Variants in INPP4A observed in about 807,000 individuals in gnomAD.
INPP4A encodes inositol polyphosphate-4-phosphatase, type I, 107kD.
In INPP4A, 33 loss-of-function variants were observed where a neutral mutation model predicts 119.8. That is an observed-to-expected ratio of 0.28 (90% confidence interval 0.21 to 0.37). INPP4A has a LOEUF of 0.37. INPP4A is among the 10% of genes least tolerant of loss of function. INPP4A has a pLI of 1.00. For synonymous variants in INPP4A, 496 were observed against 500.7 expected (o/e 0.99, Z 0.12); for missense variants, 956 against 1,289.9 (o/e 0.74, Z 3.97).
rs778118519 is a variant in INPP4A at position 98,581,758 on chromosome 2, T to C, written c.2786+4615T>C. The C allele has an allele frequency of 2.7e-5, 44 of 1,607,384 alleles. No homozygotes were observed. The South Asian group carries it at 4.6e-4, about 17-fold the overall frequency. On this transcript the variant is annotated intron_variant, in intron 24 of 24. Coordinates refer to ENST00000409851, the MANE Select transcript of INPP4A (RefSeq NM_001134225.2). The stretch of plus-strand genomic sequence containing the variant: ...GTGACCAAATTGCGTTGCAAATGAA[T>C]ATCATTATGAAAAATTAATAAGTCA...
chr2:98,483,468 T>C (rs1678885755), intron 1 of INPP4A, among the ~76,000 whole-genome samples: 1 of 152,148 alleles, frequency 6.6e-6, no homozygotes, highest in African/African-American at 2.4e-5. Flanking sequence ...GGGGCTGCTG[T>C]GGGGCCAAGT....
intron 24 of INPP4A, among the ~76,000 whole-genome samples, chr2:98,586,468 A>C (rs1699965213): frequency 6.6e-6 from 1 of 152,160 alleles, no homozygotes; most frequent in African/African-American, 2.4e-5. Context: ...TAACTAGTTG[A>C]TTTCACTGCT....
Position 98,539,675 on chromosome 2 carries a change from G to T in INPP4A, c.818G>T (p.Arg273Ile). Residue 273 changes from arginine to isoleucine, a missense_variant and splice_region_variant, in exon 10 of 25, where the codon AGA becomes ATA. Physicochemically the swap from Arg to Ile is moderately conservative, Grantham distance 97. Transcript: ENST00000409851. Reference sequence around the variant, plus strand: ...CTCCTACTAGAGGAAGATGCAGCCAGGTGAGGCCACATGGAAGGACTGACT... The same window carrying T: ...CTCCTACTAGAGGAAGATGCAGCCATGTGAGGCCACATGGAAGGACTGACT... ...VKLLLEEDAA[R>I]VCELEELGEL... 2.5e-6 allele frequency: 4 copies of T among 1,606,106 alleles called. No individual in the cohort carries two copies. The highest frequency in any genetic ancestry group is 3.4e-6 in the Non-Finnish European group (4 of 1,176,676).
Position 98,566,235 on chromosome 2 carries a change from T to TA in INPP4A, c.2420+67dup, listed in dbSNP as rs1696418684. 2.0e-6 allele frequency: 3 copies of TA among 1,464,666 alleles called. No individual in the cohort carries two copies. The highest frequency in any genetic ancestry group is 2.7e-6 in the Non-Finnish European group (3 of 1,094,388). 90.7% of individuals were successfully genotyped at this position (1,464,666 alleles called of 1,614,324 possible). A position where few individuals can be genotyped will look rare whatever the true frequency, so the allele number is the denominator to read the frequency against. ...CTGGAGATGATGCAGAAAACGTACTTACCCCTCTTCAGGCTCTAAGTGCTG... is the reference window on the plus strand; with the variant it reads ...CTGGAGATGATGCAGAAAACGTACTTAACCCCTCTTCAGGCTCTAAGTGCTG... On this transcript the variant is annotated intron_variant, in intron 21 of 24. Transcript: ENST00000409851. The surrounding 1 kb of genome is among the most constrained non-coding windows in gnomAD (Gnocchi z 4.2).
intron 1 of INPP4A, among the ~76,000 whole-genome samples, chr2:98,479,962 C>T (rs1424180289): frequency 1.3e-5 from 2 of 152,194 alleles, no homozygotes; most frequent in African/African-American, 4.8e-5. Context: ...TTTCTTAAGG[C>T]TTTAGAAACT....
At chr2:98,490,412 A>G (rs1410314726) in intron 1 of INPP4A, among the ~76,000 whole-genome samples, 1 of 151,968 alleles carries the variant, frequency 6.6e-6, no homozygotes, top group African/African-American at 2.4e-5. Context: ...TCTTGTGTGA[A>G]GACGAAGGTG....
intron 1 of INPP4A, among the ~76,000 whole-genome samples, chr2:98,478,990 G>A (rs995439375): frequency 1.3e-5 from 2 of 152,290 alleles, no homozygotes; most frequent in Admixed American, 1.3e-4. Flanking sequence ...CAGTCACCTA[G>A]AAGACTTGTT....
At chr2:98,512,424 C>T (rs1184380347) in intron 1 of INPP4A, among the ~76,000 whole-genome samples, 1 of 152,198 alleles carries the variant, frequency 6.6e-6, no homozygotes, top group African/African-American at 2.4e-5. Flanking sequence ...TTTTCTGCTA[C>T]TCCAACAACA....
chr2:98,583,824 C>CA (rs1195635816), intron 24 of INPP4A, among the ~76,000 whole-genome samples: 1 of 152,198 alleles, frequency 6.6e-6, no homozygotes, highest in East Asian at 1.9e-4. Context: ...AGTATCAGCT[C>CA]AGAGTCTGGG....
At chr2:98,457,824 C>T (rs1040585358) in intron 1 of INPP4A, among the ~76,000 whole-genome samples, 2 of 151,996 alleles carry the variant, frequency 1.3e-5, no homozygotes, top group Non-Finnish European at 2.9e-5. Context: ...ATTTTAGAGA[C>T]GGGGTCTCGC....
Position 98,568,598 on chromosome 2 carries a change from C to G in INPP4A, c.2448C>G (p.Val816=), listed in dbSNP as rs1385876614. The change falls in exon 22 of 25, where the codon GTC becomes GTG. Residue 816 remains valine, a synonymous_variant. Transcript: ENST00000409851. ...ERFGDTSLQE[V]INVESLVRLN... The stretch of plus-strand genomic sequence containing the variant: ...TTGGCGATACGTCTTTACAAGAAGT[C>G]ATCAACGTGGAGAGTTTGGTGCGGT... 6.2e-7 allele frequency: 1 copy of G among 1,601,586 alleles called. No homozygotes were observed. The highest frequency in any genetic ancestry group is 1.7e-5 in the Admixed American group (1 of 58,520).
intron 23 of INPP4A, among the ~76,000 whole-genome samples, chr2:98,576,412 G>A (rs1269646273): frequency 2.0e-5 from 3 of 152,202 alleles, no homozygotes; most frequent in Admixed American, 1.3e-4. Flanking sequence ...AAAGTATGGC[G>A]GGAGGAGGCC....
intron 1 of INPP4A, among the ~76,000 whole-genome samples, chr2:98,445,789 A>G (rs1211593788): frequency 6.6e-6 from 1 of 152,124 alleles, no homozygotes; most frequent in Non-Finnish European, 1.5e-5. Flanking sequence ...TTACATAATG[A>G]TGGGTTCTTC....
Position 98,580,824 on chromosome 2 carries a change from A to G in INPP4A, c.2786+3681A>G, listed in dbSNP as rs112399131. ...CAGACATAAATGTGCTTCCAGAGTC[A>G]TGTGGTTCTAGGTACCATCTCACCT... On this transcript the variant is annotated intron_variant, in intron 24 of 24. Coordinates refer to ENST00000409851, the MANE Select transcript of INPP4A (RefSeq NM_001134225.2). Among the ~76,000 whole-genome samples the G allele has an allele frequency of 3.8e-3, 575 of 152,340 alleles. 7 individuals are homozygous for G. Among genetic ancestry groups the G allele is most frequent in the African/African-American group, 0.013 (556 of 41,582 alleles).
In INPP4A at chr2:98,589,340, C is replaced by G. The variant is rs911225480; in HGVS notation, c.*1732C>G. 5.4e-6 allele frequency: 1 copy of G among 185,616 alleles called. No individual in the cohort carries two copies. Among genetic ancestry groups the G allele is most frequent in the Non-Finnish European group, 1.1e-5 (1 of 87,798 alleles). The allele number at this position is 185,616 out of a possible 1,614,324, so 11.5% of individuals were successfully genotyped here. A position where few individuals can be genotyped will look rare whatever the true frequency, so the allele number is the denominator to read the frequency against. On this transcript the variant is annotated 3_prime_UTR_variant, in exon 25 of 25. Transcript: ENST00000409851. ...CAATATGGCTGATTTACCCTTTCACCTCTCCACCATCTCATTTAATTTGTA... is the reference window on the plus strand; with the variant it reads ...CAATATGGCTGATTTACCCTTTCACGTCTCCACCATCTCATTTAATTTGTA...
intron 7 of INPP4A, among the ~76,000 whole-genome samples, chr2:98,537,622 G>A (rs187631844): frequency 7.2e-5 from 11 of 152,270 alleles, no homozygotes; most frequent in African/African-American, 2.6e-4. Flanking sequence ...TCACCAGCAC[G>A]TCCACACTTC....
intron 16 of INPP4A, among the ~76,000 whole-genome samples, chr2:98,556,460 G>A (rs1265219263): frequency 4.6e-5 from 7 of 152,242 alleles, no homozygotes; most frequent in African/African-American, 1.4e-4. Context: ...CAGAGACACA[G>A]CATACCAGGA....
chr2:98,460,677 C>T (rs1231485155), intron 1 of INPP4A, among the ~76,000 whole-genome samples: 1 of 152,184 alleles, frequency 6.6e-6, no homozygotes, highest in African/African-American at 2.4e-5. Context: ...CTTGTCTCCG[C>T]TCTGTGTTGG....
In INPP4A at chr2:98,520,134, T is replaced by C; in HGVS notation, c.86T>C (p.Met29Thr). ...RASTIDVAAD[M>T]LGLSLAGNIQ... ...TCCACCATCGACGTGGCGGCCGACA[T>C]GCTGGGCCTCTCTCTGGCAGGTGAG... Residue 29 changes from methionine to threonine, a missense_variant, in exon 3 of 25, where the codon ATG becomes ACG. Met to Thr is a moderately conservative substitution (Grantham distance 81). Coordinates refer to ENST00000409851, the MANE Select transcript of INPP4A (RefSeq NM_001134225.2). The C allele has an allele frequency of 6.4e-7, 1 of 1,560,486 alleles. No individual in the cohort carries two copies. Among genetic ancestry groups the C allele is most frequent in the Non-Finnish European group, 8.7e-7 (1 of 1,151,454 alleles).
Sources: allele counts gnomAD v4.1 joint callset (sites outside exome capture counted in the v4.1 genomes callset), GRCh38; gene constraint gnomAD v4.1.1; non-coding constraint Gnocchi (gnomAD v3.1); transcripts MANE v1.5; gene names NCBI Gene and HGNC (gene_info 2026-07-23, HGNC 2026-07-21).